Variants in DCTPP1 observed in about 807,000 individuals in gnomAD.
DCTPP1 encodes XTP3-transactivated gene A protein.
Under a neutral mutation model 8.8 loss-of-function variants are expected in DCTPP1, and 8 were observed. The ratio of observed to expected loss-of-function variants is 0.91; its 90% confidence interval spans 0.54 to 1.64. The LOEUF (loss-of-function observed/expected upper bound fraction) is 1.64. Among genes scored for constraint, DCTPP1 ranks in the 40% most tolerant of loss-of-function variants. The probability of loss-of-function intolerance (pLI) is 0.00; values close to 1 mark genes in which losing one functional copy is unlikely to be tolerated. For synonymous variants in DCTPP1, 85 were observed against 92.1 expected (o/e 0.92, Z 0.44); for missense variants, 231 against 230.4 (o/e 1.00, Z -0.02).
chr16:30,428,756 G>A, intron 2 of DCTPP1: 1 of 417,850 alleles, frequency 2.4e-6, no homozygotes, highest in South Asian at 7.8e-5. Flanking sequence ...GACAGAGCGA[G>A]ACCCCGTCTC....
intron 2 of DCTPP1, chr16:30,428,782 A>G: frequency 2.4e-6 from 1 of 417,252 alleles, no homozygotes; most frequent in East Asian, 3.5e-5. Context: ...AAAGCCAAAA[A>G]AACAAAAAAC....
intron 2 of DCTPP1, among the ~76,000 whole-genome samples, chr16:30,426,630 C>T (rs993770789): frequency 1.3e-5 from 2 of 152,118 alleles, no homozygotes; most frequent in Admixed American, 6.6e-5. Flanking sequence ...TGTGACCACA[C>T]CCGGCTAATT....
chr16:30,423,941 G>A lies in DCTPP1; in HGVS notation c.*292C>T, dbSNP rs569687552. The A allele has an allele frequency of 2.6e-6, 1 of 379,890 alleles. No homozygotes were observed. The highest frequency in any genetic ancestry group is 2.1e-5 in the African/African-American group (1 of 48,670). The allele number at this position is 379,890 out of a possible 1,614,324, so 23.5% of individuals were successfully genotyped here. A position where few individuals can be genotyped will look rare whatever the true frequency, so the allele number is the denominator to read the frequency against. On this transcript the variant is annotated 3_prime_UTR_variant, in exon 3 of 3. Coordinates refer to ENST00000319285, the MANE Select transcript of DCTPP1 (RefSeq NM_024096.2). ...CCCTGCAGGCAAAAGGTACAACAGG[G>A]AAACACGAGAATGGGTCTCAGAGGC...
chr16:30,427,044 C>G (rs1278297771), intron 2 of DCTPP1, among the ~76,000 whole-genome samples: 2 of 149,482 alleles, frequency 1.3e-5, no homozygotes, highest in Admixed American at 1.3e-4. Context: ...GAGCCTTGCT[C>G]TGTCGCCCAG....
intron 2 of DCTPP1, among the ~76,000 whole-genome samples, chr16:30,425,259 C>T (rs1428206157): frequency 1.3e-5 from 2 of 150,336 alleles, no homozygotes; most frequent in African/African-American, 4.9e-5. Flanking sequence ...GAGGCTGAAG[C>T]GGGTGGATCA....
chr16:30,424,867 T>G (rs2050184175), intron 2 of DCTPP1, among the ~76,000 whole-genome samples: 1 of 152,246 alleles, frequency 6.6e-6, no homozygotes, highest in South Asian at 2.1e-4. Flanking sequence ...CTAGCTCATC[T>G]TCTACTCCTG....
At position 30,429,291 on chromosome 16, in the gene DCTPP1, T is replaced by C. The variant is rs2050211446; in HGVS notation, c.102-124A>G. Reference sequence around the variant, plus strand: ...ACCAGGAGATTCTGCAACTAATTCATTGGATGGTATTGTGCAGGTCATTTC... The same window carrying C: ...ACCAGGAGATTCTGCAACTAATTCACTGGATGGTATTGTGCAGGTCATTTC... On this transcript the variant is annotated intron_variant, in intron 1 of 2. Transcript: ENST00000319285. 6 of 885,636 alleles carry C rather than the reference T, an allele frequency of 6.8e-6. No individual in the cohort carries two copies. In the South Asian group the frequency reaches 8.6e-5, roughly 13 times the overall value. The allele number at this position is 885,636 out of a possible 1,614,324, so 54.9% of individuals were successfully genotyped here. A position where few individuals can be genotyped will look rare whatever the true frequency, so the allele number is the denominator to read the frequency against.
intron 2 of DCTPP1, among the ~76,000 whole-genome samples, chr16:30,425,878 C>T (rs867020509): frequency 6.6e-6 from 1 of 152,176 alleles, no homozygotes; most frequent in Non-Finnish European, 1.5e-5. Context: ...CCCTTCTCTG[C>T]TAAAATACAA....
chr16:30,425,945 T>C (rs1350238930), intron 2 of DCTPP1, among the ~76,000 whole-genome samples: 1 of 152,270 alleles, frequency 6.6e-6, no homozygotes, highest in Non-Finnish European at 1.5e-5. Flanking sequence ...CTGCATGGGC[T>C]GACGCCTGCC....
In DCTPP1 at chr16:30,429,985, C is replaced by T. The variant is rs778957306; in HGVS notation, c.-5G>A. 7 of 1,538,050 alleles carry T rather than the reference C, an allele frequency of 4.6e-6. No homozygotes were observed. Among genetic ancestry groups the T allele is most frequent in the Non-Finnish European group, 6.1e-6 (7 of 1,143,496 alleles). Reference sequence around the variant, plus strand: ...CTCCCCACCGGCCACAGACATGCCGCCCACCGCTGCACCGCGACTTCACGG... The same window carrying T: ...CTCCCCACCGGCCACAGACATGCCGTCCACCGCTGCACCGCGACTTCACGG... On this transcript the variant is annotated 5_prime_UTR_variant, in exon 1 of 3. Transcript: ENST00000319285.
intron 2 of DCTPP1, 151 bp from the exon 3 acceptor site, chr16:30,424,684 G>A (rs772303863): frequency 3.2e-6 from 3 of 924,684 alleles, no homozygotes; most frequent in Non-Finnish European, 4.8e-6. Flanking sequence ...CCCGACAGAT[G>A]ATACCAAGAT....
Position 30,429,645 on chromosome 16 carries a change from G to A in DCTPP1, c.101+235C>T, listed in dbSNP as rs970127373. ...GGTGCCGGTATCTTCCCAGGGCTAGGCTGAAGGGCGTTCCTAGTTACCACT... is the reference window on the plus strand; with the variant it reads ...GGTGCCGGTATCTTCCCAGGGCTAGACTGAAGGGCGTTCCTAGTTACCACT... On this transcript the variant is annotated intron_variant, in intron 1 of 2. Transcript: ENST00000319285. 9.6e-6 allele frequency: 5 copies of A among 521,528 alleles called. No individual in the cohort carries two copies. In the African/African-American group the frequency reaches 1.0e-4, roughly 11 times the overall value. 32.3% of individuals were successfully genotyped at this position (521,528 alleles called of 1,614,324 possible). A position where few individuals can be genotyped will look rare whatever the true frequency, so the allele number is the denominator to read the frequency against.
In DCTPP1 at chr16:30,429,987, C is replaced by T. The variant is rs180777562; in HGVS notation, c.-7G>A. The T allele has an allele frequency of 1.7e-5, 26 of 1,500,320 alleles. No homozygotes were observed. In the East Asian group the frequency reaches 3.8e-4, roughly 22 times the overall value. The allele number at this position is 1,500,320 out of a possible 1,614,324, so 92.9% of individuals were successfully genotyped here. A position where few individuals can be genotyped will look rare whatever the true frequency, so the allele number is the denominator to read the frequency against. On this transcript the variant is annotated 5_prime_UTR_variant, in exon 1 of 3. Coordinates refer to ENST00000319285, the MANE Select transcript of DCTPP1 (RefSeq NM_024096.2). ...CCCCACCGGCCACAGACATGCCGCC[C>T]ACCGCTGCACCGCGACTTCACGGAA...
chr16:30,424,161 A>G lies in DCTPP1; in HGVS notation c.*72T>C. On this transcript the variant is annotated 3_prime_UTR_variant, in exon 3 of 3. Coordinates refer to ENST00000319285, the MANE Select transcript of DCTPP1 (RefSeq NM_024096.2). ...ATGATCTATTCTGAAAAGACTAGAA[A>G]AAGGCTCCAGGGCCAGGCCACTCTC... The G allele has an allele frequency of 1.9e-6, 3 of 1,539,476 alleles. No individual in the cohort carries two copies. Among genetic ancestry groups the G allele is most frequent in the Non-Finnish European group, 2.6e-6 (3 of 1,142,732 alleles).
At chr16:30,425,218 G>A (rs1217043012) in intron 2 of DCTPP1, among the ~76,000 whole-genome samples, 1 of 152,204 alleles carries the variant, frequency 6.6e-6, no homozygotes, top group Non-Finnish European at 1.5e-5. Context: ...GCTTGGCGCA[G>A]TGGCTCACGC....
At chr16:30,425,861 A>G (rs751435059) in intron 2 of DCTPP1, among the ~76,000 whole-genome samples, 4 of 152,156 alleles carry the variant, frequency 2.6e-5, no homozygotes, top group Non-Finnish European at 4.4e-5. Context: ...CACAAATTGT[A>G]TTTTTCCCCT....
rs965450062 is a variant in DCTPP1 at position 30,429,937 on chromosome 16, T to G, written c.44A>C (p.Glu15Ala). 19 of 1,587,448 alleles carry G rather than the reference T, an allele frequency of 1.2e-5. No individual in the cohort carries two copies. Among genetic ancestry groups the G allele is most frequent in the Non-Finnish European group, 1.6e-5 (19 of 1,168,208 alleles). The part of the protein sequence containing the change: ...GGEIRGDTGG[E>A]DTAAPGRFSF... The stretch of plus-strand genomic sequence containing the variant: ...GAACCGGCCGGGAGCAGCAGTGTCC[T>G]CTCCCCCCGTGTCCCCACGAATCTC... Residue 15 changes from glutamate to alanine, a missense_variant, in exon 1 of 3, where the codon GAG becomes GCG. Glu to Ala is a moderately radical substitution (Grantham distance 107). Coordinates refer to ENST00000319285, the MANE Select transcript of DCTPP1 (RefSeq NM_024096.2).
chr16:30,427,960 A>C (rs558361657), intron 2 of DCTPP1, among the ~76,000 whole-genome samples: 2 of 152,174 alleles, frequency 1.3e-5, no homozygotes, highest in Non-Finnish European at 2.9e-5. Context: ...ACACCAGTAC[A>C]CTCCAGCCTC....
At chr16:30,425,859 G>A (rs1371023664) in intron 2 of DCTPP1, among the ~76,000 whole-genome samples, 1 of 152,132 alleles carries the variant, frequency 6.6e-6, no homozygotes, top group Non-Finnish European at 1.5e-5. Context: ...CCCACAAATT[G>A]TATTTTTCCC....
Sources: allele counts gnomAD v4.1 joint callset (sites outside exome capture counted in the v4.1 genomes callset), GRCh38; gene constraint gnomAD v4.1.1; transcripts MANE v1.5; gene names NCBI Gene and HGNC (gene_info 2026-07-23, HGNC 2026-07-21).